The following EEFSEC variants were observed in gnomAD, a reference collection of about 807,000 sequenced individuals.
EEFSEC encodes eukaryotic elongation factor, selenocysteine-tRNA specific.
In EEFSEC, 43 loss-of-function variants were observed where a neutral mutation model predicts 42.1. That is an observed-to-expected ratio of 1.02 (90% CI 0.80 to 1.32). EEFSEC has a LOEUF of 1.32. EEFSEC is among the 40% of genes most tolerant of loss of function. EEFSEC has a pLI of 0.00. For synonymous variants in EEFSEC, 354 were observed against 339.1 expected (o/e 1.04, Z -0.48); for missense variants, 745 against 803.6 (o/e 0.93, Z 0.88).
intron 1 of EEFSEC, among the ~76,000 whole-genome samples, chr3:128,162,054 T>C (rs190482943): frequency 7.2e-5 from 11 of 152,332 alleles, no homozygotes; most frequent in Non-Finnish European, 1.2e-4. Flanking sequence ...GAATATATTA[T>C]GTGAAATTGT....
At chr3:128,196,954 G>A (rs1429895186) in intron 1 of EEFSEC, among the ~76,000 whole-genome samples, 1 of 152,220 alleles carries the variant, frequency 6.6e-6, no homozygotes, top group Admixed American at 6.5e-5. Flanking sequence ...GATGCTCGCA[G>A]TATGTTAAGA....
intron 4 of EEFSEC, among the ~76,000 whole-genome samples, chr3:128,313,349 G>T (rs1208976175): frequency 2.0e-5 from 3 of 152,248 alleles, no homozygotes; most frequent in Admixed American, 6.5e-5. Flanking sequence ...TGGCAACAGG[G>T]TTGCACTCAT....
At chr3:128,200,410 TC>T (rs2107816153) in intron 1 of EEFSEC, among the ~76,000 whole-genome samples, 1 of 152,316 alleles carries the variant, frequency 6.6e-6, no homozygotes, top group South Asian at 2.1e-4. Context: ...TGCCTCAGCC[TC>T]CCCAGTAGCT....
chr3:128,210,065 G>A (rs926621554), intron 1 of EEFSEC, among the ~76,000 whole-genome samples: 2 of 152,226 alleles, frequency 1.3e-5, no homozygotes, highest in Non-Finnish European at 2.9e-5. Flanking sequence ...GGTTCCGAAT[G>A]GGTAAGACTG....
intron 4 of EEFSEC, among the ~76,000 whole-genome samples, chr3:128,269,468 T>C (rs910001132): frequency 2.0e-5 from 3 of 152,254 alleles, no homozygotes; most frequent in Non-Finnish European, 4.4e-5. Context: ...CCAGTGCCTA[T>C]TGGGCACCGG....
intron 1 of EEFSEC, among the ~76,000 whole-genome samples, chr3:128,191,700 A>C (rs2065526349): frequency 6.6e-6 from 1 of 152,224 alleles, no homozygotes; most frequent in African/African-American, 2.4e-5. Context: ...AACTCATATA[A>C]GCAGAATCAT....
chr3:128,330,376 G>A (rs529182531), intron 4 of EEFSEC, among the ~76,000 whole-genome samples: 3 of 152,280 alleles, frequency 2.0e-5, no homozygotes, highest in African/African-American at 7.2e-5. Context: ...CTGTGCTGAG[G>A]ATCGGTGGTG....
chr3:128,202,934 C>T (rs560441418), intron 1 of EEFSEC, among the ~76,000 whole-genome samples: 8 of 152,074 alleles, frequency 5.3e-5, no homozygotes, highest in African/African-American at 2.4e-5. Flanking sequence ...TTCTTCATTC[C>T]GTTAGTGTGG....
chr3:128,349,240 T>G (rs2067352929), intron 5 of EEFSEC, among the ~76,000 whole-genome samples: 2 of 149,210 alleles, frequency 1.3e-5, no homozygotes, highest in African/African-American at 2.5e-5. Flanking sequence ...CAGGGGGGAG[T>G]AATGCAGGTT....
intron 1 of EEFSEC, among the ~76,000 whole-genome samples, chr3:128,214,893 C>G (rs1246195756): frequency 6.6e-6 from 1 of 152,132 alleles, no homozygotes; most frequent in Non-Finnish European, 1.5e-5. Flanking sequence ...TGCACTGATA[C>G]CAGTGAATGA....
chr3:128,348,881 G>A (rs2067348379), intron 5 of EEFSEC, among the ~76,000 whole-genome samples: 1 of 152,300 alleles, frequency 6.6e-6, no homozygotes, highest in East Asian at 1.9e-4. Context: ...TAGAAAACTG[G>A]GTCTTTCTAG....
intron 4 of EEFSEC, among the ~76,000 whole-genome samples, chr3:128,305,821 T>C (rs2066820224): frequency 6.6e-6 from 1 of 152,246 alleles, no homozygotes; most frequent in South Asian, 2.1e-4. Flanking sequence ...ATTTCTTTCA[T>C]TGGGTAATTT....
At chr3:128,181,552 G>A (rs1316024740) in intron 1 of EEFSEC, among the ~76,000 whole-genome samples, 1 of 152,208 alleles carries the variant, frequency 6.6e-6, no homozygotes, top group African/African-American at 2.4e-5. Flanking sequence ...GTAGAACTTG[G>A]CGTTGGCTAG....
At chr3:128,266,013 G>C (rs1177747448) in intron 4 of EEFSEC, among the ~76,000 whole-genome samples, 1 of 152,292 alleles carries the variant, frequency 6.6e-6, no homozygotes, top group Admixed American at 6.5e-5. Flanking sequence ...CTACAGGGTA[G>C]GCTGGCAGGA....
intron 4 of EEFSEC, among the ~76,000 whole-genome samples, chr3:128,334,123 G>T (rs1469299515): frequency 6.6e-6 from 1 of 152,208 alleles, no homozygotes; most frequent in Non-Finnish European, 1.5e-5. Context: ...GAGCTTCCAG[G>T]TGAGACAGCC....
chr3:128,223,483 T>A (rs2065880025), intron 1 of EEFSEC, among the ~76,000 whole-genome samples: 1 of 152,224 alleles, frequency 6.6e-6, no homozygotes, highest in African/African-American at 2.4e-5. Flanking sequence ...TGCTGGGGAC[T>A]GTACCCTTAA....
At chr3:128,258,202 C>T (rs1484348407) in intron 2 of EEFSEC, among the ~76,000 whole-genome samples, 9 of 152,128 alleles carry the variant, frequency 5.9e-5, no homozygotes, top group East Asian at 1.9e-4. Flanking sequence ...TTGTCATCCC[C>T]TCTTTGTGCC....
chr3:128,173,981 G>A (rs891630418), intron 1 of EEFSEC, among the ~76,000 whole-genome samples: 16 of 152,140 alleles, frequency 1.1e-4, no homozygotes, highest in Middle Eastern at 3.2e-3. Flanking sequence ...CCGCATTCTC[G>A]CACAGATAAG....
chr3:128,396,022 T>G (rs1213690889), intron 6 of EEFSEC, among the ~76,000 whole-genome samples: 2 of 152,212 alleles, frequency 1.3e-5, no homozygotes, highest in Non-Finnish European at 2.9e-5. Context: ...CTGTCATCCC[T>G]GCCTGCCCTG....
Sources: gnomAD v4.1 joint callset for allele counts (sites outside exome capture counted in the v4.1 genomes callset) on GRCh38, gnomAD v4.1.1 for gene constraint, MANE v1.5 for transcripts, NCBI Gene and HGNC (gene_info 2026-07-23, HGNC 2026-07-21) for gene names.